ATG10: variants seen among roughly 807,000 people sequenced by gnomAD.
ATG10 encodes the protein autophagy related 10.
In ATG10, 30 loss-of-function variants were observed where a neutral mutation model predicts 32.1. The observed-to-expected ratio is 0.94, with a 90% confidence interval of 0.70 to 1.27. The LOEUF (loss-of-function observed/expected upper bound fraction) is 1.27, where lower values mean the gene tolerates loss of function less well. ATG10 is among the 50% of genes most tolerant of loss of function. ATG10 has a pLI of 0.00. For missense variants in ATG10, 233 were observed against 262.3 expected (o/e 0.89, Z 0.77); for synonymous variants, 87 against 91.5 (o/e 0.95, Z 0.28).
intron 2 of ATG10, among the ~76,000 whole-genome samples, chr5:82,040,292 T>C (rs1236745324): frequency 6.6e-6 from 1 of 152,136 alleles, no homozygotes; most frequent in Non-Finnish European, 1.5e-5. Context: ...AAAGGCAACA[T>C]TGAAATACAG....
intron 3 of ATG10, among the ~76,000 whole-genome samples, chr5:82,084,336 A>T (rs1291543053): frequency 6.6e-6 from 1 of 152,242 alleles, no homozygotes; most frequent in Non-Finnish European, 1.5e-5. Context: ...ACTATGTGAA[A>T]ATACCAAATC....
chr5:82,033,339 C>CTTTTT (rs531673501), intron 2 of ATG10, among the ~76,000 whole-genome samples: 1 of 138,466 alleles, frequency 7.2e-6, no homozygotes, highest in African/African-American at 2.6e-5. Context: ...TCTTCTTCTT[C>CTTTTT]TTTTTTTTTT....
intron 5 of ATG10, among the ~76,000 whole-genome samples, chr5:82,192,124 G>A (rs963553975): frequency 3.3e-5 from 5 of 152,220 alleles, no homozygotes; most frequent in Non-Finnish European, 5.9e-5. Context: ...TCACTGTCCA[G>A]AGGACGGGGC....
chr5:82,032,074 A>G (rs903486538), intron 2 of ATG10, among the ~76,000 whole-genome samples: 1 of 152,210 alleles, frequency 6.6e-6, no homozygotes, highest in Non-Finnish European at 1.5e-5. Flanking sequence ...ACTTAATTCT[A>G]TGTTGCTTCA....
intron 2 of ATG10, among the ~76,000 whole-genome samples, chr5:82,025,205 A>G (rs1762559709): frequency 6.6e-6 from 1 of 152,222 alleles, no homozygotes; most frequent in Non-Finnish European, 1.5e-5. Flanking sequence ...TACCCGGACA[A>G]GCAATCATAA....
chr5:82,146,428 G>A (rs988096920), intron 3 of ATG10, among the ~76,000 whole-genome samples: 2 of 151,972 alleles, frequency 1.3e-5, no homozygotes, highest in Non-Finnish European at 2.9e-5. Context: ...TAGAGTGGTT[G>A]TCTAAACTTC....
intron 2 of ATG10, among the ~76,000 whole-genome samples, chr5:82,033,968 AG>A (rs918063466): frequency 6.1e-5 from 9 of 147,786 alleles, no homozygotes; most frequent in Non-Finnish European, 8.9e-5. Context: ...ATACATATAT[AG>A]TATATATACA....
At chr5:82,214,393 C>T (rs2149983106) in intron 5 of ATG10, among the ~76,000 whole-genome samples, 1 of 152,162 alleles carries the variant, frequency 6.6e-6, no homozygotes, top group Admixed American at 6.5e-5. Context: ...ATTTTGTAAG[C>T]TTGATAGGAA....
intron 2 of ATG10, among the ~76,000 whole-genome samples, chr5:82,032,562 A>G (rs1256071047): frequency 1.3e-5 from 2 of 152,036 alleles, no homozygotes; most frequent in African/African-American, 4.8e-5. Context: ...AAAAATTTGC[A>G]TTCATATATT....
intron 3 of ATG10, 105 bp from the exon 4 acceptor site, chr5:82,164,294 T>C (rs1011724276): frequency 8.5e-7 from 1 of 1,171,830 alleles, no homozygotes; most frequent in Non-Finnish European, 1.2e-6. Flanking sequence ...GCCTTATATT[T>C]ATTTAACTGT....
At chr5:82,077,391 G>T (rs1764312096) in intron 3 of ATG10, among the ~76,000 whole-genome samples, 1 of 152,188 alleles carries the variant, frequency 6.6e-6, no homozygotes, top group Non-Finnish European at 1.5e-5. Flanking sequence ...GTGTTAAAAG[G>T]TAAATATTTT....
At chr5:82,017,538 G>A (rs181502231) in intron 2 of ATG10, among the ~76,000 whole-genome samples, 3 of 152,196 alleles carry the variant, frequency 2.0e-5, no homozygotes, top group East Asian at 3.9e-4. Context: ...GTTGGCTGTG[G>A]GTTTGTCATA....
chr5:82,090,148 A>G (rs1764834213), intron 3 of ATG10, among the ~76,000 whole-genome samples: 2 of 152,244 alleles, frequency 1.3e-5, no homozygotes, highest in Non-Finnish European at 2.9e-5. Flanking sequence ...GAATCACTCA[A>G]ACATTGCTTT....
At chr5:82,137,277 AGAG>A (rs1211398395) in intron 3 of ATG10, among the ~76,000 whole-genome samples, 3 of 151,184 alleles carry the variant, frequency 2.0e-5, no homozygotes, top group South Asian at 2.1e-4. Flanking sequence ...GTGATCCTTG[AGAG>A]GAGAAGAGGC....
Position 82,157,245 on chromosome 5 carries a change from T to TA in ATG10, c.217-7145dup, listed in dbSNP as rs149180876. Among the ~76,000 whole-genome samples, 869 of 151,522 alleles carry TA rather than the reference T, an allele frequency of 5.7e-3. 14 individuals carry two copies. Among genetic ancestry groups the TA allele is most frequent in the African/African-American group, 0.02 (811 of 41,320 alleles). On this transcript the variant is annotated intron_variant, in intron 3 of 7. Transcript: ENST00000282185. The stretch of plus-strand genomic sequence containing the variant: ...AGAATGGCACCTTTTTACCCCCTTT[T>TA]AAAAAAAAATCAGTAGTAGTAGTGA...
chr5:82,000,366 A>G (rs955819635), intron 2 of ATG10, among the ~76,000 whole-genome samples: 4 of 152,182 alleles, frequency 2.6e-5, no homozygotes, highest in Non-Finnish European at 5.9e-5. Context: ...ACATCATACT[A>G]AATAGGCACA....
At chr5:82,133,991 G>A (rs984932779) in intron 3 of ATG10, among the ~76,000 whole-genome samples, 4 of 142,862 alleles carry the variant, frequency 2.8e-5, no homozygotes, top group Non-Finnish European at 4.5e-5. Context: ...AATTGTGAAT[G>A]TGAGTTTGCC....
At chr5:82,186,680 G>A (rs1047786572) in intron 5 of ATG10, among the ~76,000 whole-genome samples, 12 of 143,824 alleles carry the variant, frequency 8.3e-5, no homozygotes, top group Non-Finnish European at 1.3e-4. Context: ...TGCAACCCTC[G>A]CCTCCCAGGT....
chr5:82,051,789 T>C (rs1302306991), intron 2 of ATG10, among the ~76,000 whole-genome samples: 1 of 152,210 alleles, frequency 6.6e-6, no homozygotes, highest in African/African-American at 2.4e-5. Context: ...TCCATAACAG[T>C]TCCTTGCCTA....
Sources: allele counts gnomAD v4.1 joint callset (sites outside exome capture counted in the v4.1 genomes callset), GRCh38; gene constraint gnomAD v4.1.1; transcripts MANE v1.5; gene names NCBI Gene and HGNC (gene_info 2026-07-23, HGNC 2026-07-21).